KCNJ12: variants seen among roughly 807,000 people sequenced by gnomAD.
The protein encoded by KCNJ12 is ATP-sensitive inward rectifier potassium channel 12.
A neutral mutation model predicts 22.3 loss-of-function variants in KCNJ12; 2 were observed. That is an observed-to-expected ratio of 0.09 (90% CI 0.04 to 0.28). The LOEUF is 0.28. KCNJ12 is among the 10% of genes least tolerant of loss of function. The pLI, the probability that KCNJ12 is intolerant of heterozygous loss-of-function variation, is 1.00. For synonymous variants in KCNJ12, 117 were observed against 261.4 expected, an observed-to-expected ratio of 0.45 and a Z score of 5.33; for missense variants, 155 against 633.3, an observed-to-expected ratio of 0.24 and a Z score of 8.11.
chr17:21,383,963 C>T (rs1904978591), intron 1 of KCNJ12, among the ~76,000 whole-genome samples: 1 of 152,056 alleles, frequency 6.6e-6, no homozygotes, highest in Non-Finnish European at 1.5e-5. Context: ...AAGTGATAAA[C>T]AGTTGTAAGG....
chr17:21,382,750 G>A (rs530003806), intron 1 of KCNJ12, among the ~76,000 whole-genome samples: 118 of 152,250 alleles, frequency 7.8e-4, no homozygotes, highest in African/African-American at 2.6e-3. Context: ...AGGTGTGCCC[G>A]GTTGGCCAGG....
intron 2 of KCNJ12, among the ~76,000 whole-genome samples, chr17:21,412,155 T>C (rs1361001013): frequency 6.6e-6 from 1 of 152,306 alleles, no homozygotes; most frequent in Non-Finnish European, 1.5e-5. Context: ...TGTCAGTTTT[T>C]GGCTCTGAGA....
intron 1 of KCNJ12, among the ~76,000 whole-genome samples, chr17:21,387,029 C>G (rs1044902149): frequency 6.6e-6 from 1 of 152,192 alleles, no homozygotes; most frequent in Admixed American, 6.5e-5. Flanking sequence ...AACGTGCTCT[C>G]CCTGTAGTCC....
At chr17:21,405,810 G>C (rs570102680) in intron 1 of KCNJ12, among the ~76,000 whole-genome samples, 1 of 152,426 alleles carries the variant, frequency 6.6e-6, no homozygotes, top group South Asian at 2.1e-4. Context: ...GGGAGCTCTG[G>C]CCAGGGCATG....
At chr17:21,395,659 CT>C (rs1476412381) in intron 1 of KCNJ12, among the ~76,000 whole-genome samples, 1 of 148,784 alleles carries the variant, frequency 6.7e-6, no homozygotes, top group East Asian at 2.0e-4. Context: ...TATAATATTT[CT>C]CTATGCCAAG....
At position 21,419,671 on chromosome 17, in the gene KCNJ12, C is replaced by G. The variant is rs1389599937; in HGVS notation, c.*3027C>G. The G allele has an allele frequency of 1.2e-5, 2 of 167,178 alleles. No homozygotes were observed. The highest frequency in any genetic ancestry group is 1.3e-4 in the Admixed American group (2 of 15,296). The allele number at this position is 167,178 out of a possible 1,614,324, so 10.4% of individuals were successfully genotyped here. ...TGGTGCTGTGCTGCGTGGTCCCCAC[C>G]CAGAGGGTCCTGGGGGGCGGGGAGG... On this transcript the variant is annotated 3_prime_UTR_variant, in exon 3 of 3. Coordinates refer to ENST00000583088, the MANE Select transcript of KCNJ12 (RefSeq NM_021012.5).
chr17:21,414,477 A>G, intron 2 of KCNJ12, among the ~76,000 whole-genome samples: 1 of 152,258 alleles, frequency 6.6e-6, no homozygotes, highest in East Asian at 1.9e-4. Context: ...TTCTGTCTAA[A>G]AAAGAAAAAA....
chr17:21,409,635 C>T (rs1343140040), intron 2 of KCNJ12, among the ~76,000 whole-genome samples: 1 of 152,418 alleles, frequency 6.6e-6, no homozygotes, highest in East Asian at 1.9e-4. Flanking sequence ...GAAAGCTGTC[C>T]TGGCAGCATC....
At chr17:21,384,835 C>T (rs1441704256) in intron 1 of KCNJ12, among the ~76,000 whole-genome samples, 1 of 149,894 alleles carries the variant, frequency 6.7e-6, no homozygotes, top group Non-Finnish European at 1.5e-5. Flanking sequence ...TGCAATGGCG[C>T]GATCTCAGCT....
Position 21,380,339 on chromosome 17 carries a change from A to G in KCNJ12, c.-179+3426A>G, listed in dbSNP as rs9893467. Among the ~76,000 whole-genome samples the G allele has an allele frequency of 8.0e-3, 1,225 of 152,258 alleles. 17 individuals are homozygous for G. The highest frequency in any genetic ancestry group is 0.028 in the African/African-American group (1,144 of 41,534). Reference sequence around the variant, plus strand: ...CTGGAGACCCCAGGCCCTGTTGCCTAGCTGTGGCCCCTGTGCTGGGTAGCC... The same window carrying G: ...CTGGAGACCCCAGGCCCTGTTGCCTGGCTGTGGCCCCTGTGCTGGGTAGCC... On this transcript the variant is annotated intron_variant, in intron 1 of 2. Coordinates refer to ENST00000583088, the MANE Select transcript of KCNJ12 (RefSeq NM_021012.5).
chr17:21,409,174 G>A (rs1328290531), intron 2 of KCNJ12, among the ~76,000 whole-genome samples: 1 of 152,302 alleles, frequency 6.6e-6, no homozygotes, highest in African/African-American at 2.4e-5. Context: ...CACACAAGGT[G>A]GGAAGTAGCT....
chr17:21,410,796 T>C (rs1226010234), intron 2 of KCNJ12, among the ~76,000 whole-genome samples: 1 of 152,304 alleles, frequency 6.6e-6, no homozygotes, highest in Admixed American at 6.5e-5. Flanking sequence ...TGTGTAACCA[T>C]CACAGTGACT....
At chr17:21,391,650 C>T (rs532410845) in intron 1 of KCNJ12, among the ~76,000 whole-genome samples, 36 of 152,374 alleles carry the variant, frequency 2.4e-4, no homozygotes, top group Middle Eastern at 3.4e-3. Context: ...CCTGCACACT[C>T]GCTCCCCTGC....
At chr17:21,405,232 C>T (rs1260204442) in intron 1 of KCNJ12, 3 of 152,514 alleles carry the variant, frequency 2.0e-5, no homozygotes, top group Non-Finnish European at 4.4e-5. Flanking sequence ...GAACGCCGGT[C>T]ACAGTGAACG....
At chr17:21,408,484 C>A (rs1351431422) in intron 1 of KCNJ12, 35 bp from the exon 2 acceptor site, 1 of 152,410 alleles carries the variant, frequency 6.6e-6, no homozygotes, top group African/African-American at 2.4e-5. Flanking sequence ...AGCAGCACCG[C>A]CTGCAGTAAC....
chr17:21,384,019 A>G (rs1045376934), intron 1 of KCNJ12, among the ~76,000 whole-genome samples: 2 of 151,740 alleles, frequency 1.3e-5, no homozygotes, highest in African/African-American at 4.8e-5. Context: ...CCCCACCCCC[A>G]GAGTTTCTTG....
At chr17:21,387,212 G>T (rs1597557505) in intron 1 of KCNJ12, among the ~76,000 whole-genome samples, 1 of 151,846 alleles carries the variant, frequency 6.6e-6, no homozygotes, top group African/African-American at 2.4e-5. Context: ...GGAGGCCGAG[G>T]TGGGCAGATC....
intron 1 of KCNJ12, among the ~76,000 whole-genome samples, chr17:21,399,809 G>T (rs1905508634): frequency 2.0e-5 from 3 of 152,160 alleles, no homozygotes; most frequent in Admixed American, 2.0e-4. Flanking sequence ...CCATGGACTG[G>T]CTGCGTGTCC....
intron 1 of KCNJ12, among the ~76,000 whole-genome samples, chr17:21,391,665 C>G (rs1353699773): frequency 6.6e-6 from 1 of 152,264 alleles, no homozygotes; most frequent in Non-Finnish European, 1.5e-5. Context: ...CCCTGCACAT[C>G]TGGCCTCCTG....
Sources: gnomAD v4.1 joint callset for allele counts (sites outside exome capture counted in the v4.1 genomes callset) on GRCh38, gnomAD v4.1.1 for gene constraint, MANE v1.5 for transcripts, NCBI Gene and HGNC (gene_info 2026-07-23, HGNC 2026-07-21) for gene names.